The following GALNT18 variants were observed in gnomAD, a reference collection of about 807,000 sequenced individuals.
The protein encoded by GALNT18 is polypeptide N-acetylgalactosaminyltransferase 18.
A neutral mutation model predicts 69.5 loss-of-function variants in GALNT18; 44 were observed. The ratio of observed to expected loss-of-function variants is 0.63; its 90% CI spans 0.50 to 0.81. GALNT18 has a LOEUF of 0.81. GALNT18 is among the 40% of genes least tolerant of loss of function. The pLI is 0.00. For missense variants in GALNT18, 715 were observed against 810.0 expected, an observed-to-expected ratio of 0.88 and a Z score of 1.42; for synonymous variants, 364 against 318.2, an observed-to-expected ratio of 1.14 and a Z score of -1.53.
Position 11,454,018 on chromosome 11 carries a change from G to GCCTA in GALNT18, c.236-5086_236-5083dup, listed in dbSNP as rs1347755978. Reference sequence around the variant, plus strand: ...CCTCAGACTCAGAACAGCATCTGGCGCCTAGTAGGTGCTTAACCAATACCA... The same window carrying GCCTA: ...CCTCAGACTCAGAACAGCATCTGGCGCCTACCTAGTAGGTGCTTAACCAATACCA... On this transcript the variant is annotated intron_variant, in intron 1 of 10. Transcript: ENST00000227756. This position sits in a 1 kb window ranked among gnomAD's most constrained non-coding sequence, Gnocchi z 4.2. Among the ~76,000 whole-genome samples, 4 of 152,168 alleles carry GCCTA rather than the reference G, an allele frequency of 2.6e-5. No individual in the cohort carries two copies. Among genetic ancestry groups the GCCTA allele is most frequent in the Non-Finnish European group, 4.4e-5 (3 of 68,034 alleles).
chr11:11,279,813 G>C (rs1367865138), intron 10 of GALNT18, among the ~76,000 whole-genome samples: 1 of 152,182 alleles, frequency 6.6e-6, no homozygotes, highest in East Asian at 1.9e-4. Flanking sequence ...CTGGGTGATG[G>C]AAACCTAGGG....
rs1012249936 is a variant in GALNT18, at chr11:11,551,776, C to T, written c.235+69583G>A. On this transcript the variant is annotated intron_variant, in intron 1 of 10. Transcript: ENST00000227756. ...TCACCAGGATGCAGGCGGGCTGAGTCCAAAAAGAGAGTCAGCAAAGGGTGG... is the reference window on the plus strand; with the variant it reads ...TCACCAGGATGCAGGCGGGCTGAGTTCAAAAAGAGAGTCAGCAAAGGGTGG... Among the ~76,000 whole-genome samples the T allele has an allele frequency of 5.9e-5, 9 of 152,216 alleles. No individual in the cohort carries two copies. The East Asian group carries it at 1.5e-3, about 26-fold the overall frequency.
chr11:11,399,170 C>G (rs1240394170), intron 3 of GALNT18, among the ~76,000 whole-genome samples: 2 of 152,196 alleles, frequency 1.3e-5, no homozygotes, highest in Non-Finnish European at 2.9e-5. Flanking sequence ...TCTTCTCTCT[C>G]TCTTTCTCTC....
rs1014696189 is a variant in GALNT18 at position 11,449,708 on chromosome 11, C to T, written c.236-772G>A. Among the ~76,000 whole-genome samples, 4 of 152,210 alleles carry T rather than the reference C, an allele frequency of 2.6e-5. 1 individual carries two copies. The highest frequency in any genetic ancestry group is 9.7e-5 in the African/African-American group (4 of 41,446). Reference sequence around the variant, plus strand: ...AGCAGAGGCTTTGAAGTCACACAGTCGTGGATTCCAGTCAGTGCTCCACCA... The same window carrying T: ...AGCAGAGGCTTTGAAGTCACACAGTTGTGGATTCCAGTCAGTGCTCCACCA... On this transcript the variant is annotated intron_variant, in intron 1 of 10. Coordinates refer to ENST00000227756, the MANE Select transcript of GALNT18 (RefSeq NM_198516.3).
chr11:11,377,612 G>A lies in GALNT18; in HGVS notation c.780-233C>T, dbSNP rs146087503. ...ACTCCATTGGCATATCCAGAGCTGA[G>A]CTGAGAGATTCTTATTCCAGCCAAC... On this transcript the variant is annotated intron_variant, in intron 4 of 10. Transcript: ENST00000227756. The surrounding 1 kb of genome is among the most constrained non-coding windows in gnomAD (Gnocchi z 4.6). Among the ~76,000 whole-genome samples the A allele has an allele frequency of 3.3e-3, 508 of 151,820 alleles. 4 individuals carry two copies. The highest frequency in any genetic ancestry group is 0.012 in the African/African-American group (483 of 41,396).
At chr11:11,431,431 C>G (rs1289316205) in intron 3 of GALNT18, among the ~76,000 whole-genome samples, 1 of 152,192 alleles carries the variant, frequency 6.6e-6, no homozygotes, top group Non-Finnish European at 1.5e-5. Context: ...TGAGCCCTTC[C>G]TGTCTCCCCC....
rs929484014 is a variant in GALNT18, at chr11:11,337,709, G to A, written c.1278+3110C>T. ...GTGGTCATACAGGAAGAGGTAGAGG[G>A]TAGGGAATTCCAAGCAGGATGAACA... is the stretch of plus-strand genomic sequence containing the variant. On this transcript the variant is annotated intron_variant, in intron 7 of 10. Transcript: ENST00000227756. The surrounding 1 kb of genome is among the most constrained non-coding windows in gnomAD (Gnocchi z 4.9). 6.6e-5 allele frequency among the ~76,000 whole-genome samples: 10 copies of A among 152,080 alleles called. No individual in the cohort carries two copies. The highest frequency in any genetic ancestry group is 2.2e-4 in the African/African-American group (9 of 41,414).
chr11:11,419,204 T>C (rs1854935656), intron 3 of GALNT18, among the ~76,000 whole-genome samples: 1 of 152,214 alleles, frequency 6.6e-6, no homozygotes, highest in Non-Finnish European at 1.5e-5. Context: ...CCAGAAAAAC[T>C]AGCCTTCTGT....
At chr11:11,495,164 C>T (rs538561808) in intron 1 of GALNT18, among the ~76,000 whole-genome samples, 41 of 152,316 alleles carry the variant, frequency 2.7e-4, no homozygotes, top group African/African-American at 9.9e-4. Context: ...AGCTCAGGGC[C>T]TGGACTCGGG....
intron 3 of GALNT18, among the ~76,000 whole-genome samples, chr11:11,411,187 G>A (rs1422742905): frequency 6.6e-6 from 1 of 152,196 alleles, no homozygotes; most frequent in Non-Finnish European, 1.5e-5. Flanking sequence ...GGTGGTGCAT[G>A]CCTGCAATCC....
At chr11:11,468,362 C>T (rs1322347016) in intron 1 of GALNT18, among the ~76,000 whole-genome samples, 2 of 152,204 alleles carry the variant, frequency 1.3e-5, no homozygotes, top group African/African-American at 4.8e-5. Flanking sequence ...CTGTCAAGGA[C>T]ACAGGCTGTG....
chr11:11,466,583 C>A (rs985459768), intron 1 of GALNT18, among the ~76,000 whole-genome samples: 9 of 152,330 alleles, frequency 5.9e-5, no homozygotes, highest in African/African-American at 2.2e-4. Context: ...CTCTTTCCTC[C>A]TTTGCCAGAA....
rs527709761 is a variant in GALNT18 at position 11,617,500 on chromosome 11, AAG to A, written c.235+3857_235+3858del. On this transcript the variant is annotated intron_variant, in intron 1 of 10. Coordinates refer to ENST00000227756, the MANE Select transcript of GALNT18 (RefSeq NM_198516.3). The surrounding 1 kb of genome is among the most constrained non-coding windows in gnomAD (Gnocchi z 4.7). ...GAAAAAATAGTGCTTCGTTAACAAAAAGAAAGTGAACAAAGCAGAATATAAAA... is the reference window on the plus strand; with the variant it reads ...GAAAAAATAGTGCTTCGTTAACAAAAAAAGTGAACAAAGCAGAATATAAAA... Among the ~76,000 whole-genome samples, 2 of 152,242 alleles carry A rather than the reference AAG, an allele frequency of 1.3e-5. No homozygotes were observed. The highest frequency in any genetic ancestry group is 2.9e-5 in the Non-Finnish European group (2 of 68,044).
chr11:11,375,935 T>C (rs899592952), intron 5 of GALNT18, among the ~76,000 whole-genome samples: 4 of 152,190 alleles, frequency 2.6e-5, no homozygotes, highest in Admixed American at 2.6e-4. Flanking sequence ...ATTAAATTTT[T>C]CATACCCTTT....
chr11:11,348,051 C>A (rs7942855), intron 6 of GALNT18, among the ~76,000 whole-genome samples: 1 of 149,060 alleles, frequency 6.7e-6, no homozygotes, highest in African/African-American at 2.4e-5. Context: ...TTTCACTCAC[C>A]TCATTCTATC....
At chr11:11,611,335 T>C (rs1590138955) in intron 1 of GALNT18, among the ~76,000 whole-genome samples, 1 of 152,120 alleles carries the variant, frequency 6.6e-6, no homozygotes, top group Admixed American at 6.5e-5. Context: ...AACCAGAGAA[T>C]GCCAAAGCGG....
Position 11,341,291 on chromosome 11 carries a change from A to G in GALNT18, c.1093-287T>C, listed in dbSNP as rs1206538975. 6.6e-6 allele frequency among the ~76,000 whole-genome samples: 1 copy of G among 152,204 alleles called. No individual in the cohort carries two copies. On this transcript the variant is annotated intron_variant, in intron 6 of 10. Transcript: ENST00000227756. The surrounding 1 kb of genome is among the most constrained non-coding windows in gnomAD (Gnocchi z 6.3). Reference sequence around the variant, plus strand: ...CTGTGAGCCCTACCCCACCAAAAAAAGAGACCAGACATTTTGTTCCAAAGA... The same window carrying G: ...CTGTGAGCCCTACCCCACCAAAAAAGGAGACCAGACATTTTGTTCCAAAGA...
rs1217330358 is a variant in GALNT18 at position 11,541,676 on chromosome 11, G to A, written c.235+79683C>T. The stretch of plus-strand genomic sequence containing the variant: ...CTCTCAAGGGCCTCATGCTAGTAAG[G>A]CCCCCTTCCCAGCCCCCACACCTCT... On this transcript the variant is annotated intron_variant, in intron 1 of 10. Transcript: ENST00000227756. This position sits in a 1 kb window ranked among gnomAD's most constrained non-coding sequence, Gnocchi z 4.8. Among the ~76,000 whole-genome samples, 3 of 152,018 alleles carry A rather than the reference G, an allele frequency of 2.0e-5. No individual in the cohort carries two copies. Among genetic ancestry groups the A allele is most frequent in the Non-Finnish European group, 4.4e-5 (3 of 68,012 alleles).
chr11:11,531,365 C>A (rs1480773289), intron 1 of GALNT18, among the ~76,000 whole-genome samples: 1 of 152,210 alleles, frequency 6.6e-6, no homozygotes, highest in African/African-American at 2.4e-5. Flanking sequence ...CTGCCTGTTC[C>A]CCTCATCCTT....
Sources: gnomAD v4.1 joint callset for allele counts (sites outside exome capture counted in the v4.1 genomes callset) on GRCh38, gnomAD v4.1.1 for gene constraint, Gnocchi (gnomAD v3.1) non-coding constraint, MANE v1.5 for transcripts, NCBI Gene and HGNC (gene_info 2026-07-23, HGNC 2026-07-21) for gene names.